TEAD1: variants seen among roughly 807,000 people sequenced by gnomAD.
TEAD1 encodes TEA domain transcription factor 1.
TEAD1 carries 9 observed loss-of-function variants against 54.9 expected under a neutral mutation model. That is an observed-to-expected ratio of 0.16 (90% confidence interval 0.10 to 0.29). The LOEUF is 0.29. Among genes scored for constraint, TEAD1 ranks in the 10% least tolerant of loss-of-function variants. TEAD1 has a pLI of 1.00. For synonymous variants in TEAD1, 200 were observed against 187.8 expected, an observed-to-expected ratio of 1.07 and a Z score of -0.53; for missense variants, 387 against 535.9, an observed-to-expected ratio of 0.72 and a Z score of 2.74.
At chr11:12,918,144 AG>A (rs1221904871) in intron 10 of TEAD1, among the ~76,000 whole-genome samples, 1 of 151,982 alleles carries the variant, frequency 6.6e-6, no homozygotes, top group Non-Finnish European at 1.5e-5. Flanking sequence ...TTCAGTTGGG[AG>A]GGGGGACGTG....
At chr11:12,700,603 T>C (rs1160988100) in intron 2 of TEAD1, among the ~76,000 whole-genome samples, 2 of 152,238 alleles carry the variant, frequency 1.3e-5, no homozygotes, top group African/African-American at 4.8e-5. Flanking sequence ...TAGAAACTTT[T>C]TTTTCTATGA....
chr11:12,805,580 G>C (rs1002469470), intron 3 of TEAD1, among the ~76,000 whole-genome samples: 2 of 152,150 alleles, frequency 1.3e-5, no homozygotes, highest in African/African-American at 4.8e-5. Flanking sequence ...TACCCATATT[G>C]AGTTTGCCCT....
chr11:12,690,462 G>T (rs1390141809), intron 2 of TEAD1, among the ~76,000 whole-genome samples: 1 of 152,098 alleles, frequency 6.6e-6, no homozygotes, highest in Non-Finnish European at 1.5e-5. Flanking sequence ...AAGCCCCTGT[G>T]TTTCTCTTCT....
intron 3 of TEAD1, among the ~76,000 whole-genome samples, chr11:12,840,280 A>G (rs1408542282): frequency 6.9e-6 from 1 of 145,794 alleles, no homozygotes; most frequent in Non-Finnish European, 1.5e-5. Flanking sequence ...AAAAGACCAG[A>G]AACGAAATCG....
At chr11:12,843,371 C>T (rs1947078139) in intron 3 of TEAD1, among the ~76,000 whole-genome samples, 1 of 152,218 alleles carries the variant, frequency 6.6e-6, no homozygotes, top group Admixed American at 6.5e-5. Flanking sequence ...AGGACTTGTT[C>T]CCTCAGTTCT....
At position 12,720,105 on chromosome 11, in the gene TEAD1, A is replaced by G. The variant is rs143487983; in HGVS notation, c.-54-44074A>G. On this transcript the variant is annotated intron_variant, in intron 2 of 12. Coordinates refer to ENST00000527636, the MANE Select transcript of TEAD1 (RefSeq NM_021961.6). ...TAGTGAGGGGCATCTCTCATTATAT[A>G]ATGTTGCTCTGCTAATTAAGTCAGG... Among the ~76,000 whole-genome samples, 720 of 150,958 alleles carry G rather than the reference A, an allele frequency of 4.8e-3. 4 individuals are homozygous for G. Among genetic ancestry groups the G allele is most frequent in the Non-Finnish European group, 6.3e-3 (427 of 67,752 alleles).
chr11:12,901,148 T>C (rs138782705), intron 9 of TEAD1, among the ~76,000 whole-genome samples: 517 of 152,306 alleles, frequency 3.4e-3, no homozygotes, highest in African/African-American at 0.012. Flanking sequence ...GTAGCCTGGG[T>C]TGAGAACCAT....
At chr11:12,742,352 AATAAT>A (rs1207191090) in intron 2 of TEAD1, among the ~76,000 whole-genome samples, 1 of 152,204 alleles carries the variant, frequency 6.6e-6, no homozygotes, top group African/African-American at 2.4e-5. Context: ...GATGAAGTGA[AATAAT>A]AAAAGTAAAG....
chr11:12,684,625 A>G (rs1943295696), intron 2 of TEAD1, among the ~76,000 whole-genome samples: 1 of 152,126 alleles, frequency 6.6e-6, no homozygotes, highest in African/African-American at 2.4e-5. Context: ...CAGTTTCCCC[A>G]TCTGGAAAAT....
intron 2 of TEAD1, among the ~76,000 whole-genome samples, chr11:12,686,966 C>T (rs1177797006): frequency 6.6e-6 from 1 of 152,062 alleles, no homozygotes; most frequent in African/African-American, 2.4e-5. Flanking sequence ...GTTGAGAACT[C>T]TGGTGGAGAA....
rs183172094 is a variant in TEAD1, at chr11:12,729,703, C to G, written c.-54-34476C>G. Among the ~76,000 whole-genome samples the G allele has an allele frequency of 1.4e-4, 21 of 152,202 alleles. No homozygotes were observed. In the East Asian group the frequency reaches 3.7e-3, roughly 27 times the overall value. On this transcript the variant is annotated intron_variant, in intron 2 of 12. Transcript: ENST00000527636. The stretch of plus-strand genomic sequence containing the variant: ...TGGTGCTTGGGCCATGGTGTAGAAT[C>G]ATGAGATGCTAGCATTAAAGTTGTG...
At position 12,773,099 on chromosome 11, in the gene TEAD1, T is replaced by C. The variant is rs4520580; in HGVS notation, c.202+8665T>C. Among the ~76,000 whole-genome samples, 34 of 152,354 alleles carry C rather than the reference T, an allele frequency of 2.2e-4. No individual in the cohort carries two copies. The East Asian group carries it at 5.6e-3, about 25-fold the overall frequency. On this transcript the variant is annotated intron_variant, in intron 3 of 12. Transcript: ENST00000527636. ...CCGGGAGATTCATCCAGGTTGTGTGTATCAAGTTTGTTCCTTTTTATCATT... is the reference window on the plus strand; with the variant it reads ...CCGGGAGATTCATCCAGGTTGTGTGCATCAAGTTTGTTCCTTTTTATCATT...
intron 2 of TEAD1, among the ~76,000 whole-genome samples, chr11:12,735,562 AT>A (rs58093822): frequency 0.057 from 6,939 of 120,932 alleles, 477 homozygotes; most frequent in African/African-American, 0.19. Flanking sequence ...TCCTGGTTCG[AT>A]TTTTTTTTTT....
chr11:12,822,222 G>A (rs1472912621), intron 3 of TEAD1, among the ~76,000 whole-genome samples: 2 of 152,042 alleles, frequency 1.3e-5, no homozygotes, highest in South Asian at 2.1e-4. Context: ...TCGGCCTCCC[G>A]AAGTGTTGGG....
chr11:12,743,005 T>G (rs1944676254), intron 2 of TEAD1, among the ~76,000 whole-genome samples: 1 of 152,210 alleles, frequency 6.6e-6, no homozygotes, highest in Non-Finnish European at 1.5e-5. Flanking sequence ...GGCTGGGCAG[T>G]GCTGTAATAC....
At chr11:12,843,239 G>T (rs929936228) in intron 3 of TEAD1, among the ~76,000 whole-genome samples, 1 of 152,166 alleles carries the variant, frequency 6.6e-6, no homozygotes. Context: ...TCCGAGCCCA[G>T]CTCTAAGGGT....
At chr11:12,738,963 C>T (rs892486872) in intron 2 of TEAD1, among the ~76,000 whole-genome samples, 3 of 152,106 alleles carry the variant, frequency 2.0e-5, no homozygotes, top group African/African-American at 7.2e-5. Context: ...GGGCATGGTG[C>T]TGTGGAAACA....
At chr11:12,742,876 T>TA (rs1944674043) in intron 2 of TEAD1, among the ~76,000 whole-genome samples, 1 of 152,218 alleles carries the variant, frequency 6.6e-6, no homozygotes, top group Non-Finnish European at 1.5e-5. Context: ...AAAGAAGCCA[T>TA]AGCTCAGCCT....
At chr11:12,928,570 A>G (rs966254788) in intron 11 of TEAD1, among the ~76,000 whole-genome samples, 2 of 151,952 alleles carry the variant, frequency 1.3e-5, no homozygotes, top group South Asian at 2.1e-4. Flanking sequence ...ACACCCAACT[A>G]TATACCTTTT....
Sources: allele counts gnomAD v4.1 joint callset (sites outside exome capture counted in the v4.1 genomes callset), GRCh38; gene constraint gnomAD v4.1.1; transcripts MANE v1.5; gene names NCBI Gene and HGNC (gene_info 2026-07-23, HGNC 2026-07-21).